RGS17: variants seen among roughly 807,000 people sequenced by gnomAD.
RGS17 encodes regulator of G protein signaling 17.
Under a neutral mutation model 25.5 loss-of-function variants are expected in RGS17, and 12 were observed. That is an observed-to-expected ratio of 0.47 (90% CI 0.30 to 0.76). The LOEUF is 0.76. Among genes scored for constraint, RGS17 ranks in the 30% least tolerant of loss-of-function variants. The pLI is 0.07. For missense variants in RGS17, 196 were observed against 242.2 expected (o/e 0.81, Z 1.27); for synonymous variants, 71 against 76.9 (o/e 0.92, Z 0.40).
rs540098977 is a variant in RGS17 at position 153,014,545 on chromosome 6, TC to T, written c.445-2784del. ...CAGGCGCGGTGGCTCACGCCTGTAA[TC>T]CCAGCACTTTGGGAGGCTGAAGTGG... On this transcript the variant is annotated intron_variant, in intron 4 of 4. Coordinates refer to ENST00000206262, the MANE Select transcript of RGS17 (RefSeq NM_012419.5). 2.3e-3 allele frequency among the ~76,000 whole-genome samples: 349 copies of T among 152,288 alleles called. 2 individuals are homozygous for T. Among genetic ancestry groups the T allele is most frequent in the African/African-American group, 8.0e-3 (334 of 41,554 alleles).
intron 1 of RGS17, among the ~76,000 whole-genome samples, chr6:153,083,034 T>C (rs2129119743): frequency 6.6e-6 from 1 of 152,282 alleles, no homozygotes; most frequent in East Asian, 1.9e-4. Context: ...AATCTTTTGG[T>C]TTACAGCTCT....
chr6:153,011,449 G>T lies in RGS17; in HGVS notation c.*125C>A. On this transcript the variant is annotated 3_prime_UTR_variant, in exon 5 of 5. Coordinates refer to ENST00000206262, the MANE Select transcript of RGS17 (RefSeq NM_012419.5). ...AAAAATGGAGACAAAGACCATAACG[G>T]TTGTGTTTTCACAGTAGCCTGAGGA... 1.5e-6 allele frequency: 1 copy of T among 654,154 alleles called. No homozygotes were observed. The highest frequency in any genetic ancestry group is 2.6e-6 in the Non-Finnish European group (1 of 379,104). The allele number at this position is 654,154 out of a possible 1,614,324, so 40.5% of individuals were successfully genotyped here.
chr6:153,026,240 G>T (rs986231529), intron 3 of RGS17, among the ~76,000 whole-genome samples: 1 of 152,128 alleles, frequency 6.6e-6, no homozygotes, highest in Admixed American at 6.5e-5. Context: ...AGTAAATTTA[G>T]ATCATGTTTT....
chr6:153,072,764 T>A (rs1776824086), intron 1 of RGS17, among the ~76,000 whole-genome samples: 1 of 152,220 alleles, frequency 6.6e-6, no homozygotes, highest in African/African-American at 2.4e-5. Context: ...TCCTCCATGG[T>A]CTAGGCTTCC....
chr6:153,061,471 G>A (rs535390253), intron 1 of RGS17, among the ~76,000 whole-genome samples: 1 of 152,208 alleles, frequency 6.6e-6, no homozygotes, highest in Non-Finnish European at 1.5e-5. Context: ...ACGTAAAGAA[G>A]ATAAGGTTAA....
chr6:153,046,054 A>C (rs1776380625), intron 1 of RGS17, among the ~76,000 whole-genome samples: 1 of 152,206 alleles, frequency 6.6e-6, no homozygotes, highest in Non-Finnish European at 1.5e-5. Context: ...CATGGATGGA[A>C]CTGGAAGATA....
At chr6:153,025,309 C>T (rs1779287745) in intron 3 of RGS17, among the ~76,000 whole-genome samples, 1 of 150,374 alleles carries the variant, frequency 6.7e-6, no homozygotes, top group Non-Finnish European at 1.5e-5. Context: ...GAGATCCTGC[C>T]TCTAAAAAAA....
intron 1 of RGS17, among the ~76,000 whole-genome samples, chr6:153,054,090 TTTTATATA>T (rs1481289598): frequency 1.2e-4 from 1 of 8,026 alleles, no homozygotes; most frequent in Non-Finnish European, 2.1e-4. Context: ...ACACAATATT[TTTTATATA>T]TATATATATA....
At chr6:153,057,017 A>G (rs1476406634) in intron 1 of RGS17, among the ~76,000 whole-genome samples, 1 of 152,100 alleles carries the variant, frequency 6.6e-6, no homozygotes, top group African/African-American at 2.4e-5. Context: ...AGTTTCACAT[A>G]CAATTCTTAC....
chr6:153,041,411 T>C (rs181029453), intron 2 of RGS17, among the ~76,000 whole-genome samples: 3 of 152,322 alleles, frequency 2.0e-5, no homozygotes, highest in Non-Finnish European at 4.4e-5. Context: ...AGAGAGTTGA[T>C]GCAGCTTCCG....
intron 1 of RGS17, among the ~76,000 whole-genome samples, chr6:153,083,767 C>T (rs1167975807): frequency 1.3e-5 from 2 of 152,132 alleles, no homozygotes; most frequent in African/African-American, 4.8e-5. Flanking sequence ...AAATGGCAAA[C>T]TGAACTTGCT....
intron 2 of RGS17, among the ~76,000 whole-genome samples, chr6:153,027,120 A>C (rs922331936): frequency 6.6e-6 from 1 of 152,158 alleles, no homozygotes; most frequent in Non-Finnish European, 1.5e-5. Flanking sequence ...CCAGTAAATC[A>C]ATGTCCAAGG....
At chr6:153,038,926 C>T (rs1776286786) in intron 2 of RGS17, among the ~76,000 whole-genome samples, 1 of 152,152 alleles carries the variant, frequency 6.6e-6, no homozygotes, top group Admixed American at 6.5e-5. Flanking sequence ...TGAGATCCAT[C>T]CCATGGTCTG....
At chr6:153,119,188 A>C (rs1187152712) in intron 1 of RGS17, among the ~76,000 whole-genome samples, 1 of 152,086 alleles carries the variant, frequency 6.6e-6, no homozygotes, top group African/African-American at 2.4e-5. Context: ...TTCTAGCTCT[A>C]GTCATTCTCT....
At chr6:153,071,067 A>G (rs1776794717) in intron 1 of RGS17, among the ~76,000 whole-genome samples, 1 of 150,312 alleles carries the variant, frequency 6.7e-6, no homozygotes, top group Non-Finnish European at 1.5e-5. Flanking sequence ...GCATATGTAC[A>G]TATACGTATA....
chr6:153,100,904 G>A (rs1777293389), intron 1 of RGS17, among the ~76,000 whole-genome samples: 1 of 152,142 alleles, frequency 6.6e-6, no homozygotes, highest in Non-Finnish European at 1.5e-5. Context: ...TACCCAATCT[G>A]GCTGTTTCTG....
intron 2 of RGS17, among the ~76,000 whole-genome samples, chr6:153,029,494 C>T (rs1779338637): frequency 6.6e-6 from 1 of 151,900 alleles, no homozygotes; most frequent in Non-Finnish European, 1.5e-5. Context: ...TCTAGACCAA[C>T]TTATATATGT....
chr6:153,100,826 A>G (rs923915503), intron 1 of RGS17, among the ~76,000 whole-genome samples: 6 of 152,206 alleles, frequency 3.9e-5, no homozygotes, highest in Admixed American at 6.5e-5. Flanking sequence ...TCTTGTGCCA[A>G]TCTCCAAGTT....
chr6:153,099,090 T>C (rs1777258620), intron 1 of RGS17, among the ~76,000 whole-genome samples: 2 of 152,166 alleles, frequency 1.3e-5, no homozygotes, highest in South Asian at 2.1e-4. Context: ...AATTATCTGA[T>C]CACTTGAGAT....
Sources: gnomAD v4.1 joint callset for allele counts (sites outside exome capture counted in the v4.1 genomes callset) on GRCh38, gnomAD v4.1.1 for gene constraint, MANE v1.5 for transcripts, NCBI Gene and HGNC (gene_info 2026-07-23, HGNC 2026-07-21) for gene names.